PRDM5: variants seen among roughly 807,000 people sequenced by gnomAD.
The protein encoded by PRDM5 is PR domain zinc finger protein 5.
A neutral mutation model predicts 81.2 loss-of-function variants in PRDM5; 56 were observed. The observed-to-expected ratio is 0.69, with a 90% CI of 0.56 to 0.86. The LOEUF is 0.86. PRDM5 is among the 40% of genes least tolerant of loss of function. The pLI is 0.00. For missense variants in PRDM5, 697 were observed against 770.1 expected, an observed-to-expected ratio of 0.91 and a Z score of 1.12; for synonymous variants, 267 against 256.4, an observed-to-expected ratio of 1.04 and a Z score of -0.39.
At chr4:120,869,268 G>A in intron 2 of PRDM5, among the ~76,000 whole-genome samples, 1 of 152,088 alleles carries the variant, frequency 6.6e-6, no homozygotes, top group Non-Finnish European at 1.5e-5. Flanking sequence ...TCAAGTCCAT[G>A]AACATTAATC....
rs191180552 is a variant in PRDM5 at position 120,741,700 on chromosome 4, G to A, written c.1623+12853C>T. ...CTGGAAAATAGGGTCACTCCCACCC[G>A]AATACTGCGCTTTTCCGACAGGCTT... On this transcript the variant is annotated intron_variant, in intron 14 of 15. Coordinates refer to ENST00000264808, the MANE Select transcript of PRDM5 (RefSeq NM_018699.4). Among the ~76,000 whole-genome samples the A allele has an allele frequency of 8.6e-3, 1,308 of 152,170 alleles. 20 individuals are homozygous for A. Among genetic ancestry groups the A allele is most frequent in the African/African-American group, 0.03 (1,245 of 41,520 alleles).
chr4:120,850,617 C>T (rs1759150901), intron 3 of PRDM5, among the ~76,000 whole-genome samples: 1 of 152,102 alleles, frequency 6.6e-6, no homozygotes, highest in Admixed American at 6.6e-5. Context: ...ACTGTCATTG[C>T]TCTGCACCAA....
intron 10 of PRDM5, among the ~76,000 whole-genome samples, chr4:120,787,330 T>C (rs1295177969): frequency 1.3e-5 from 2 of 151,840 alleles, no homozygotes; most frequent in South Asian, 4.2e-4. Flanking sequence ...ATGGGAGAAG[T>C]GAGGAGGAGA....
In PRDM5 at chr4:120,828,573, G is replaced by A. The variant is rs1277470179; in HGVS notation, c.301-7228C>T. ...TCACTAGATAAAATATTTTCCAAATGAGCCTAAAATAATCCAATGCATTTA... is the reference window on the plus strand; with the variant it reads ...TCACTAGATAAAATATTTTCCAAATAAGCCTAAAATAATCCAATGCATTTA... On this transcript the variant is annotated intron_variant, in intron 3 of 15. Transcript: ENST00000264808. Among the ~76,000 whole-genome samples the A allele has an allele frequency of 2.6e-5, 4 of 152,140 alleles. No homozygotes were observed. The East Asian group carries it at 7.7e-4, about 29-fold the overall frequency.
At chr4:120,757,024 G>A (rs552272187) in intron 13 of PRDM5, among the ~76,000 whole-genome samples, 2 of 152,200 alleles carry the variant, frequency 1.3e-5, no homozygotes, top group African/African-American at 4.8e-5. Flanking sequence ...CAAAAGATTT[G>A]CAGTTATCAG....
At chr4:120,814,933 C>A (rs114827287) in intron 7 of PRDM5, among the ~76,000 whole-genome samples, 77 of 152,270 alleles carry the variant, frequency 5.1e-4, no homozygotes, top group African/African-American at 1.9e-3. Context: ...TTATTTCCTA[C>A]AAAATCACCA....
chr4:120,823,115 G>C (rs1755505721), intron 3 of PRDM5, among the ~76,000 whole-genome samples: 1 of 152,112 alleles, frequency 6.6e-6, no homozygotes, highest in South Asian at 2.1e-4. Flanking sequence ...ACTTCAGAAT[G>C]CAATAATAAA....
At chr4:120,701,983 T>A (rs1211882979) in intron 15 of PRDM5, among the ~76,000 whole-genome samples, 1 of 152,188 alleles carries the variant, frequency 6.6e-6, no homozygotes, top group South Asian at 2.1e-4. Context: ...GTGGTACAAC[T>A]TCCCCTCTCT....
At chr4:120,730,343 T>C (rs914679723) in intron 14 of PRDM5, among the ~76,000 whole-genome samples, 1 of 152,230 alleles carries the variant, frequency 6.6e-6, no homozygotes, top group Non-Finnish European at 1.5e-5. Flanking sequence ...AATATGCATA[T>C]AAATATAATG....
intron 1 of PRDM5, 147 bp downstream of exon 1, chr4:120,922,369 C>A: frequency 9.3e-7 from 1 of 1,077,804 alleles, no homozygotes; most frequent in Non-Finnish European, 1.1e-6. Flanking sequence ...CCGCGGTCCC[C>A]GGCCTTCCCA....
At chr4:120,805,695 C>T (rs1240988367) in intron 8 of PRDM5, among the ~76,000 whole-genome samples, 1 of 152,088 alleles carries the variant, frequency 6.6e-6, no homozygotes, top group African/African-American at 2.4e-5. Flanking sequence ...ACTGATGGGA[C>T]ATATCTCAAA....
At chr4:120,841,532 T>C (rs1347023284) in intron 3 of PRDM5, among the ~76,000 whole-genome samples, 2 of 152,234 alleles carry the variant, frequency 1.3e-5, no homozygotes, top group Non-Finnish European at 1.5e-5. Flanking sequence ...TTGACTTCTT[T>C]AATGCCAACC....
At chr4:120,778,017 TC>T (rs1578696003) in intron 12 of PRDM5, among the ~76,000 whole-genome samples, 1 of 152,044 alleles carries the variant, frequency 6.6e-6, no homozygotes, top group East Asian at 1.9e-4. Flanking sequence ...CCAGTTTTGC[TC>T]CCAACATAAA....
chr4:120,708,027 T>C (rs1736450830), intron 15 of PRDM5, among the ~76,000 whole-genome samples: 1 of 151,600 alleles, frequency 6.6e-6, no homozygotes, highest in Non-Finnish European at 1.5e-5. Flanking sequence ...TGGGGAGAAA[T>C]TGGAATCCTT....
At chr4:120,879,526 T>C (rs1269791929) in intron 2 of PRDM5, among the ~76,000 whole-genome samples, 1 of 152,214 alleles carries the variant, frequency 6.6e-6, no homozygotes, top group African/African-American at 2.4e-5. Context: ...TTAATGATGA[T>C]CCACTTGCAC....
chr4:120,798,011 C>G lies in PRDM5; in HGVS notation c.1188+256G>C, dbSNP rs894901073. 5.9e-5 allele frequency among the ~76,000 whole-genome samples: 9 copies of G among 152,040 alleles called. No individual in the cohort carries two copies. The East Asian group carries it at 1.5e-3, about 26-fold the overall frequency. ...AAGAAGGAAGAGAATAAAGACTTCA[C>G]AATTAGTAAACCCCATAAAATTAAT... is the stretch of plus-strand genomic sequence containing the variant. On this transcript the variant is annotated intron_variant, in intron 10 of 15. Transcript: ENST00000264808.
chr4:120,901,053 C>CA (rs1339726213), intron 2 of PRDM5, among the ~76,000 whole-genome samples: 1 of 152,116 alleles, frequency 6.6e-6, no homozygotes, highest in Non-Finnish European at 1.5e-5. Context: ...AGATTATGTA[C>CA]AAGCTTCCAT....
At chr4:120,862,319 T>A (rs1438197287) in intron 2 of PRDM5, among the ~76,000 whole-genome samples, 1 of 152,160 alleles carries the variant, frequency 6.6e-6, no homozygotes, top group African/African-American at 2.4e-5. Context: ...ATTTATACCT[T>A]CAGTATGAGG....
intron 1 of PRDM5, among the ~76,000 whole-genome samples, chr4:120,914,800 C>T (rs146822485): frequency 1.3e-5 from 2 of 152,150 alleles, no homozygotes; most frequent in Non-Finnish European, 1.5e-5. Context: ...TGTATATATA[C>T]ACAATGTAAT....
Sources: allele counts gnomAD v4.1 joint callset (sites outside exome capture counted in the v4.1 genomes callset), GRCh38; gene constraint gnomAD v4.1.1; transcripts MANE v1.5; gene names NCBI Gene and HGNC (gene_info 2026-07-23, HGNC 2026-07-21).